WWOX: variants seen among roughly 807,000 people sequenced by gnomAD.
WWOX encodes WW domain-containing oxidoreductase.
A neutral mutation model predicts 46.2 loss-of-function variants in WWOX; 69 were observed. The ratio of observed to expected loss-of-function variants is 1.49; its 90% CI spans 1.23 to 1.82. The LOEUF is 1.82. Among genes scored for constraint, WWOX ranks in the 40% most tolerant of loss-of-function variants. The probability of loss-of-function intolerance (pLI) is 0.00; values close to 1 mark genes in which losing one functional copy is unlikely to be tolerated. For missense variants in WWOX, 919 were observed against 542.6 expected (o/e 1.69, Z -6.89); for synonymous variants, 359 against 202.6 (o/e 1.77, Z -6.56).
intron 8 of WWOX, among the ~76,000 whole-genome samples, chr16:78,776,857 T>C (rs1033886873): frequency 6.6e-5 from 10 of 152,018 alleles, no homozygotes; most frequent in African/African-American, 2.4e-4. Flanking sequence ...ACTCGCTATG[T>C]CAAGAATAGA....
intron 8 of WWOX, among the ~76,000 whole-genome samples, chr16:78,480,118 A>G (rs1173667997): frequency 2.6e-5 from 4 of 152,194 alleles, no homozygotes; most frequent in Admixed American, 2.0e-4. Context: ...ACTGTCCAAT[A>G]TGGTAGCCAC....
chr16:79,176,068 G>C (rs1385442446), intron 8 of WWOX, among the ~76,000 whole-genome samples: 4 of 152,206 alleles, frequency 2.6e-5, no homozygotes, highest in Non-Finnish European at 1.5e-5. Flanking sequence ...TAGAGCAGCT[G>C]TTACAGTTTG....
At chr16:78,503,973 T>G (rs2085132529) in intron 8 of WWOX, among the ~76,000 whole-genome samples, 1 of 152,246 alleles carries the variant, frequency 6.6e-6, no homozygotes. Flanking sequence ...AAGCTGCAAG[T>G]TATGTTTTTT....
chr16:78,984,819 G>C (rs2046752691), intron 8 of WWOX, among the ~76,000 whole-genome samples: 1 of 152,192 alleles, frequency 6.6e-6, no homozygotes, highest in Non-Finnish European at 1.5e-5. Flanking sequence ...TAAGGAACGT[G>C]TGCAGGGGAT....
intron 8 of WWOX, among the ~76,000 whole-genome samples, chr16:78,607,057 A>G (rs895579055): frequency 1.3e-5 from 2 of 152,148 alleles, no homozygotes; most frequent in Non-Finnish European, 2.9e-5. Context: ...AGAACAATGC[A>G]AATGGTGGCC....
intron 6 of WWOX, among the ~76,000 whole-genome samples, chr16:78,415,014 A>G (rs2082766676): frequency 6.6e-6 from 1 of 151,440 alleles, no homozygotes; most frequent in Non-Finnish European, 1.5e-5. Flanking sequence ...CAGAGCAGCA[A>G]CTTTGGCTGT....
At chr16:78,389,568 C>T (rs755124181) in intron 6 of WWOX, among the ~76,000 whole-genome samples, 1 of 152,116 alleles carries the variant, frequency 6.6e-6, no homozygotes, top group Non-Finnish European at 1.5e-5. Flanking sequence ...TGTTTTGATT[C>T]AATTCTCAAA....
chr16:78,744,447 T>C (rs1006830514), intron 8 of WWOX, among the ~76,000 whole-genome samples: 34 of 138,202 alleles, frequency 2.5e-4, no homozygotes, highest in African/African-American at 1.0e-3. Context: ...TTTTTTTTTT[T>C]TTGAAACGGA....
At chr16:78,479,966 G>C (rs967462213) in intron 8 of WWOX, among the ~76,000 whole-genome samples, 1 of 152,146 alleles carries the variant, frequency 6.6e-6, no homozygotes, top group African/African-American at 2.4e-5. Flanking sequence ...TAAAGGTGAG[G>C]ATTCCATGGC....
chr16:78,384,237 C>G (rs2082014911), intron 5 of WWOX, among the ~76,000 whole-genome samples: 1 of 152,114 alleles, frequency 6.6e-6, no homozygotes, highest in African/African-American at 2.4e-5. Context: ...TGCCTTTCCT[C>G]TTGTGATACA....
rs1306510534 is a variant in WWOX at position 78,928,482 on chromosome 16, G to A, written c.1057-283126G>A. Among the ~76,000 whole-genome samples the A allele has an allele frequency of 3.3e-5, 5 of 152,244 alleles. No homozygotes were observed. In the South Asian group the frequency reaches 8.3e-4, roughly 25 times the overall value. ...CTCCCAAAGTGCTGGGATTACAGGCGTGAGCCACCGCGCCCGGCCCCACTT... is the reference window on the plus strand; with the variant it reads ...CTCCCAAAGTGCTGGGATTACAGGCATGAGCCACCGCGCCCGGCCCCACTT... On this transcript the variant is annotated intron_variant, in intron 8 of 8. Transcript: ENST00000566780.
chr16:78,488,212 C>G (rs184401501), intron 8 of WWOX, among the ~76,000 whole-genome samples: 169 of 152,276 alleles, frequency 1.1e-3, no homozygotes, highest in African/African-American at 4.0e-3. Context: ...AGAGGAAGCT[C>G]TTTATCCTGG....
At chr16:78,559,071 C>T (rs898793726) in intron 8 of WWOX, among the ~76,000 whole-genome samples, 1 of 152,210 alleles carries the variant, frequency 6.6e-6, no homozygotes. Flanking sequence ...ATAGTTCCGT[C>T]TGGCTTGGAG....
intron 5 of WWOX, among the ~76,000 whole-genome samples, chr16:78,215,381 A>G (rs980876665): frequency 1.3e-5 from 2 of 152,266 alleles, no homozygotes; most frequent in Admixed American, 6.5e-5. Flanking sequence ...CCGTGGTGGC[A>G]GTTTCCCTCA....
chr16:78,121,793 C>G (rs1597229348), intron 4 of WWOX, among the ~76,000 whole-genome samples: 1 of 151,868 alleles, frequency 6.6e-6, no homozygotes, highest in East Asian at 1.9e-4. Flanking sequence ...TCCTGAGTAG[C>G]TGGGATTACA....
chr16:78,279,086 G>T (rs958887874), intron 5 of WWOX, among the ~76,000 whole-genome samples: 2 of 152,094 alleles, frequency 1.3e-5, no homozygotes, highest in African/African-American at 2.4e-5. Context: ...ACCAGAGTTC[G>T]CTGTCAATGG....
chr16:79,188,892 G>A (rs1056447957), intron 8 of WWOX, among the ~76,000 whole-genome samples: 2 of 152,206 alleles, frequency 1.3e-5, no homozygotes, highest in African/African-American at 2.4e-5. Context: ...ACTTGTGTGT[G>A]AGCAGCTGAG....
At chr16:78,850,875 G>A (rs1448782424) in intron 8 of WWOX, among the ~76,000 whole-genome samples, 1 of 152,132 alleles carries the variant, frequency 6.6e-6, no homozygotes, top group Non-Finnish European at 1.5e-5. Flanking sequence ...TGCCATATTG[G>A]CTCAACATGG....
chr16:78,547,133 A>AAG (rs1353845803), intron 8 of WWOX, among the ~76,000 whole-genome samples: 1 of 36,356 alleles, frequency 2.8e-5, no homozygotes, highest in East Asian at 1.3e-3. Flanking sequence ...CTCAGAAAAA[A>AAG]AAAAAAAAAA....
Sources: gnomAD v4.1 joint callset for allele counts (sites outside exome capture counted in the v4.1 genomes callset) on GRCh38, gnomAD v4.1.1 for gene constraint, MANE v1.5 for transcripts, NCBI Gene and HGNC (gene_info 2026-07-23, HGNC 2026-07-21) for gene names.